The following KIAA1210 variants were observed in gnomAD, a reference collection of about 807,000 sequenced individuals.
KIAA1210 encodes KIAA1210, also known as acrosomal protein KIAA1210.
Under a neutral mutation model 78.9 loss-of-function variants are expected in KIAA1210, and 48 were observed. The observed-to-expected ratio is 0.61, with a 90% CI of 0.48 to 0.77. The LOEUF (loss-of-function observed/expected upper bound fraction) is 0.77, where lower values mean the gene tolerates loss of function less well. Ranked by LOEUF, KIAA1210 falls within the 30% of genes least tolerant of loss-of-function variation. The pLI, the probability that KIAA1210 is intolerant of heterozygous loss-of-function variation, is 0.00. For missense variants in KIAA1210, 1,108 were observed against 1,100.0 expected (o/e 1.01, Z -0.10); for synonymous variants, 406 against 404.5 (o/e 1.00, Z -0.04).
chrX:119,110,706 A>G (rs140906756), intron 3 of KIAA1210, among the ~76,000 whole-genome samples: 139 of 111,858 alleles, frequency 1.2e-3, no homozygotes, highest in African/African-American at 4.4e-3. Flanking sequence ...AATAGCAACA[A>G]AAGAATAAAA....
intron 10 of KIAA1210, among the ~76,000 whole-genome samples, chrX:119,083,685 T>C (rs1039355340): frequency 1.8e-5 from 2 of 111,531 alleles, no homozygotes; most frequent in East Asian, 5.6e-4. Flanking sequence ...TACACTAATG[T>C]ATCCCTCCTG....
At chrX:119,106,674 T>A (rs1255965666) in intron 5 of KIAA1210, among the ~76,000 whole-genome samples, 2 of 112,410 alleles carry the variant, frequency 1.8e-5, no homozygotes, top group African/African-American at 6.5e-5. Flanking sequence ...AACAGCAAGA[T>A]GCTAATAATC....
Position 119,086,712 on chromosome X carries a change from G to C in KIAA1210, c.3990C>G (p.Gly1330=). 8.3e-7 allele frequency: 1 copy of C among 1,211,416 alleles called. No individual in the cohort carries two copies. The highest frequency in any genetic ancestry group is 1.1e-6 in the Non-Finnish European group (1 of 895,352). Reference sequence around the variant, plus strand: ...CCCTGCCTACAGAGGATGAAATTGGGCCCGAGGGCACTGAAGCAAGCTGGG... The same window carrying C: ...CCCTGCCTACAGAGGATGAAATTGGCCCCGAGGGCACTGAAGCAAGCTGGG... The part of the protein sequence containing the change: ...NFTQLASVPS[G]PISSSVGRGH... The change falls in exon 9 of 12, where the codon GGC becomes GGG. Residue 1330 remains glycine, a synonymous_variant. Coordinates refer to ENST00000691062, the MANE Select transcript of KIAA1210 (RefSeq NM_001394962.1).
At chrX:119,149,258 C>G (rs1160301374) in intron 1 of KIAA1210, among the ~76,000 whole-genome samples, 1 of 111,417 alleles carries the variant, frequency 9.0e-6, no homozygotes, top group African/African-American at 3.3e-5. Context: ...TCCTCTACCT[C>G]TTGCAAACTG....
At chrX:119,115,740 A>G (rs1390925228) in intron 3 of KIAA1210, among the ~76,000 whole-genome samples, 2 of 111,901 alleles carry the variant, frequency 1.8e-5, no homozygotes, top group African/African-American at 6.5e-5. Context: ...AGAACTTCAT[A>G]GAGGGGGATC....
rs187429290 is a variant in KIAA1210 at position 119,111,522 on chromosome X, G to A, written c.231-2320C>T. Among the ~76,000 whole-genome samples, 12 of 108,083 alleles carry A rather than the reference G, an allele frequency of 1.1e-4. No individual in the cohort carries two copies. The East Asian group carries it at 1.8e-3, about 16-fold the overall frequency. 93.9% of individuals were successfully genotyped at this position (108,083 alleles called of 115,157 possible). On this transcript the variant is annotated intron_variant, in intron 3 of 11. Transcript: ENST00000691062. ...ACACAGGAATAGAAAACCAAACACC[G>A]CATGTTGTCACTCATAAGTGGGAGC...
chrX:119,081,844 A>G (rs893560142), intron 11 of KIAA1210, among the ~76,000 whole-genome samples: 2 of 112,790 alleles, frequency 1.8e-5, no homozygotes, highest in Non-Finnish European at 3.7e-5. Flanking sequence ...CCAGAGGGAA[A>G]CATATTGTAT....
chrX:119,107,593 T>C (rs1257809093), intron 5 of KIAA1210, among the ~76,000 whole-genome samples: 1 of 112,297 alleles, frequency 8.9e-6, no homozygotes, highest in African/African-American at 3.2e-5. Context: ...GTCAACACCA[T>C]TAGTGTCTAT....
chrX:119,084,347 CAAA>C (rs1927065333), intron 10 of KIAA1210, among the ~76,000 whole-genome samples: 1 of 111,153 alleles, frequency 9.0e-6, no homozygotes, highest in Non-Finnish European at 1.9e-5. Flanking sequence ...CACACCAAAC[CAAA>C]TCAATATGTA....
chrX:119,083,170 T>C lies in KIAA1210; in HGVS notation c.4321-50A>G, dbSNP rs926124990. 5.1e-6 allele frequency: 5 copies of C among 985,966 alleles called. No homozygotes were observed. In the African/African-American group the frequency reaches 7.6e-5, roughly 15 times the overall value. The allele number at this position is 985,966 out of a possible 1,213,427, so 81.3% of individuals were successfully genotyped here. A position where few individuals can be genotyped will look rare whatever the true frequency, so the allele number is the denominator to read the frequency against. On this transcript the variant is annotated intron_variant, in intron 10 of 11. Coordinates refer to ENST00000691062, the MANE Select transcript of KIAA1210 (RefSeq NM_001394962.1). ...AAGCTTGTAAGTTCTGACATTAAAA[T>C]GGCAGATTGCTTATTCAGAGGACCA...
intron 2 of KIAA1210, among the ~76,000 whole-genome samples, chrX:119,133,092 G>A (rs12853181): frequency 4.5e-5 from 5 of 111,443 alleles, no homozygotes; most frequent in Non-Finnish European, 7.5e-5. Flanking sequence ...ATGCCAGGAC[G>A]CCAACTCATT....
rs907267198 is a variant in KIAA1210, at chrX:119,080,623, G to C, written c.*706C>G. On this transcript the variant is annotated 3_prime_UTR_variant, in exon 12 of 12. Transcript: ENST00000691062. The stretch of plus-strand genomic sequence containing the variant: ...GGTTGAGGGAAATGACAATTTTCTA[G>C]TTGCTCCAACAAAATGTTTTTGCTT... 2.7e-5 allele frequency: 3 copies of C among 112,081 alleles called. No homozygotes were observed. The highest frequency in any genetic ancestry group is 9.4e-5 in the Admixed American group (1 of 10,622). 9.2% of individuals were successfully genotyped at this position (112,081 alleles called of 1,213,427 possible).
At chrX:119,091,772 A>G (rs1927376004) in intron 8 of KIAA1210, among the ~76,000 whole-genome samples, 1 of 112,232 alleles carries the variant, frequency 8.9e-6, no homozygotes, top group Admixed American at 9.4e-5. Flanking sequence ...CAAAGAATGA[A>G]ATAATGTCTT....
At chrX:119,117,569 C>G (rs868263294) in intron 2 of KIAA1210, among the ~76,000 whole-genome samples, 1 of 91,833 alleles carries the variant, frequency 1.1e-5, no homozygotes, top group African/African-American at 4.0e-5. Flanking sequence ...TTGGGCTTTA[C>G]TTTTTTTTTT....
At chrX:119,104,951 A>AT (rs771311028) in intron 6 of KIAA1210, 41 bp downstream of exon 6, 2 of 1,152,863 alleles carry the variant, frequency 1.7e-6, no homozygotes, top group African/African-American at 3.6e-5. Flanking sequence ...TATGCCTCTG[A>AT]TCTGTGAGGC....
intron 5 of KIAA1210, among the ~76,000 whole-genome samples, chrX:119,105,975 A>C (rs1385367061): frequency 9.0e-6 from 1 of 111,711 alleles, no homozygotes; most frequent in Non-Finnish European, 1.9e-5. Context: ...TAAACAAAAC[A>C]AATTCTTGTG....
chrX:119,095,337 A>C (rs1366581343), intron 7 of KIAA1210, among the ~76,000 whole-genome samples: 6 of 112,670 alleles, frequency 5.3e-5, no homozygotes, highest in Non-Finnish European at 1.1e-4. Flanking sequence ...GTTTTTGATC[A>C]AAGTGAGTTT....
intron 2 of KIAA1210, among the ~76,000 whole-genome samples, chrX:119,120,466 C>T (rs1336801364): frequency 8.9e-6 from 1 of 111,828 alleles, no homozygotes; most frequent in Non-Finnish European, 1.9e-5. Flanking sequence ...AATCTATAAA[C>T]ACTGACTAAC....
chrX:119,119,992 A>G (rs1485969352), intron 2 of KIAA1210, among the ~76,000 whole-genome samples: 44 of 63,133 alleles, frequency 7.0e-4, no homozygotes, highest in Middle Eastern at 0.011. Flanking sequence ...AAAAAAAAAA[A>G]AAAGAAAGAA....
Sources: gnomAD v4.1 joint callset for allele counts (sites outside exome capture counted in the v4.1 genomes callset) on GRCh38, gnomAD v4.1.1 for gene constraint, MANE v1.5 for transcripts, NCBI Gene and HGNC (gene_info 2026-07-23, HGNC 2026-07-21) for gene names.